Variants in DAB1 observed in about 807,000 individuals in gnomAD.
DAB1 encodes the protein DAB adaptor protein 1.
In DAB1, 15 loss-of-function variants were observed where a neutral mutation model predicts 64.6. The ratio of observed to expected loss-of-function variants is 0.23; its 90% CI spans 0.16 to 0.36. DAB1 has a LOEUF of 0.36. DAB1 is among the 10% of genes least tolerant of loss of function. The probability of loss-of-function intolerance (pLI) is 1.00; values close to 1 mark genes in which losing one functional copy is unlikely to be tolerated. For missense variants in DAB1, 596 were observed against 706.7 expected (o/e 0.84, Z 1.78); for synonymous variants, 235 against 251.9 (o/e 0.93, Z 0.64).
At chr1:58,065,234 T>A (rs963557441) in intron 5 of DAB1, among the ~76,000 whole-genome samples, 6 of 152,176 alleles carry the variant, frequency 3.9e-5, no homozygotes, top group African/African-American at 1.2e-4. Flanking sequence ...TTAGCAAGTA[T>A]CACAATCAGG....
At chr1:57,786,964 G>A (rs1351281734) in intron 6 of DAB1, among the ~76,000 whole-genome samples, 1 of 151,888 alleles carries the variant, frequency 6.6e-6, no homozygotes, top group East Asian at 1.9e-4. Flanking sequence ...CAAAAACGAT[G>A]CAAATTTTTA....
intron 6 of DAB1, among the ~76,000 whole-genome samples, chr1:57,653,288 C>A (rs1646277650): frequency 6.6e-6 from 1 of 152,116 alleles, no homozygotes; most frequent in African/African-American, 2.4e-5. Flanking sequence ...TATTCATAAA[C>A]AATATATGTT....
intron 4 of DAB1, among the ~76,000 whole-genome samples, chr1:58,291,558 A>C (rs1661837774): frequency 6.6e-6 from 1 of 152,230 alleles, no homozygotes; most frequent in Non-Finnish European, 1.5e-5. Flanking sequence ...TCTCTTGTTC[A>C]CAGGACCTAC....
chr1:57,230,320 G>GAA (rs77981305), intron 2 of DAB1, among the ~76,000 whole-genome samples: 17 of 91,342 alleles, frequency 1.9e-4, no homozygotes, highest in South Asian at 6.7e-4. Context: ...CCCCTTCAGA[G>GAA]AAAAAAAAAA....
At chr1:58,197,162 T>C (rs917783446) in intron 4 of DAB1, among the ~76,000 whole-genome samples, 1 of 152,158 alleles carries the variant, frequency 6.6e-6, no homozygotes, top group African/African-American at 2.4e-5. Flanking sequence ...AGAAACCCCC[T>C]GCAAGCTTCA....
At chr1:57,784,066 A>G (rs373446568) in intron 6 of DAB1, among the ~76,000 whole-genome samples, 8 of 152,304 alleles carry the variant, frequency 5.3e-5, no homozygotes, top group African/African-American at 1.9e-4. Flanking sequence ...TGAGGAAGGT[A>G]TGTCAAAAAC....
chr1:57,413,033 C>T (rs1028496811), intron 1 of DAB1, among the ~76,000 whole-genome samples: 3 of 152,150 alleles, frequency 2.0e-5, no homozygotes, highest in African/African-American at 7.2e-5. Flanking sequence ...GGCTACTTTA[C>T]TATTGTGAAA....
intron 6 of DAB1, among the ~76,000 whole-genome samples, chr1:57,675,311 G>A (rs981674230): frequency 1.3e-5 from 2 of 152,200 alleles, no homozygotes; most frequent in Non-Finnish European, 2.9e-5. Flanking sequence ...GGCGAAGGTA[G>A]GTTCTAGAGG....
intron 5 of DAB1, among the ~76,000 whole-genome samples, chr1:58,035,404 C>A (rs1355549587): frequency 6.6e-6 from 1 of 152,210 alleles, no homozygotes; most frequent in Non-Finnish European, 1.5e-5. Flanking sequence ...AATGGACGAC[C>A]AAACTCCAGG....
chr1:57,826,686 T>C (rs79270953), intron 1 of DAB1, among the ~76,000 whole-genome samples: 3,228 of 152,240 alleles, frequency 0.021, 93 homozygotes, highest in East Asian at 0.13. Flanking sequence ...ACAGGGTTAA[T>C]CAAGCATTCT....
At chr1:57,298,693 T>G (rs538070034) in intron 1 of DAB1, among the ~76,000 whole-genome samples, 1 of 152,256 alleles carries the variant, frequency 6.6e-6, no homozygotes, top group South Asian at 2.1e-4. Flanking sequence ...AAAGCCATTT[T>G]CCATAATAGG....
rs186834550 is a variant in DAB1 at position 58,107,931 on chromosome 1, T to C, written n.387+42580A>G. ...TGCACCCAGCCAAGCTAGCATGTTT[T>C]AAACACAGGGAAAAAAATGGGCAAA... On this transcript the variant is annotated intron_variant and non_coding_transcript_variant, in intron 5 of 20. Transcript: ENST00000485760. Among the ~76,000 whole-genome samples, 1,390 of 152,204 alleles carry C rather than the reference T, an allele frequency of 9.1e-3. 20 individuals are homozygous for C. The highest frequency in any genetic ancestry group is 0.048 in the Admixed American group (731 of 15,294).
At chr1:58,044,334 G>C (rs1647193985) in intron 5 of DAB1, among the ~76,000 whole-genome samples, 1 of 152,026 alleles carries the variant, frequency 6.6e-6, no homozygotes, top group African/African-American at 2.4e-5. Context: ...CTGGGATTTG[G>C]TGGTACCACC....
chr1:57,494,015 C>A (rs1644198981), intron 7 of DAB1, among the ~76,000 whole-genome samples: 1 of 152,146 alleles, frequency 6.6e-6, no homozygotes, highest in Non-Finnish European at 1.5e-5. Flanking sequence ...ACTGTTTATT[C>A]TTCCAAAGTG....
intron 7 of DAB1, among the ~76,000 whole-genome samples, chr1:57,542,965 C>G (rs1165401065): frequency 6.6e-6 from 1 of 152,112 alleles, no homozygotes; most frequent in African/African-American, 2.4e-5. Context: ...CTTGAGCAGT[C>G]TATGGAGAGG....
intron 3 of DAB1, among the ~76,000 whole-genome samples, chr1:58,485,847 A>G (rs1241428024): frequency 6.6e-6 from 1 of 152,236 alleles, no homozygotes; most frequent in African/African-American, 2.4e-5. Context: ...ACAAACATTT[A>G]TAGAACACCA....
chr1:57,069,557 C>T, intron 7 of DAB1, 132 bp from the exon 8 acceptor site: 1 of 683,512 alleles, frequency 1.5e-6, no homozygotes, highest in Non-Finnish European at 2.6e-6. Context: ...ACCTTAAAGA[C>T]ACAACTAAAT....
intron 4 of DAB1, among the ~76,000 whole-genome samples, chr1:57,093,992 C>A (rs920789116): frequency 2.0e-4 from 30 of 151,934 alleles, no homozygotes; most frequent in Non-Finnish European, 4.0e-4. Flanking sequence ...GCCTGTAATA[C>A]CAGCTATGCA....
intron 7 of DAB1, among the ~76,000 whole-genome samples, chr1:57,469,855 T>A (rs555574720): frequency 4.6e-5 from 7 of 152,294 alleles, no homozygotes; most frequent in Admixed American, 4.6e-4. Flanking sequence ...TCTTGGAGAT[T>A]CACAATATAT....
Sources: gnomAD v4.1 joint callset for allele counts (sites outside exome capture counted in the v4.1 genomes callset) on GRCh38, gnomAD v4.1.1 for gene constraint, MANE v1.5 for transcripts, NCBI Gene and HGNC (gene_info 2026-07-23, HGNC 2026-07-21) for gene names.